The following LYN variants were observed in gnomAD, a reference collection of about 807,000 sequenced individuals.
The protein encoded by LYN is LYN proto-oncogene, Src family tyrosine kinase, also known as tyrosine-protein kinase Lyn.
A neutral mutation model predicts 65.0 loss-of-function variants in LYN; 12 were observed. The observed-to-expected ratio is 0.18, with a 90% CI of 0.12 to 0.30. The LOEUF (loss-of-function observed/expected upper bound fraction) is 0.30, where lower values mean the gene tolerates loss of function less well. Ranked by LOEUF, LYN falls within the 10% of genes least tolerant of loss-of-function variation. LYN has a pLI of 1.00. For missense variants in LYN, 380 were observed against 623.2 expected (o/e 0.61, Z 4.16); for synonymous variants, 222 against 221.2 (o/e 1.00, Z -0.03).
intron 1 of LYN, among the ~76,000 whole-genome samples, chr8:55,932,095 A>G (rs1806286914): frequency 6.6e-6 from 1 of 152,240 alleles, no homozygotes; most frequent in African/African-American, 2.4e-5. Context: ...TTGAAAGGAT[A>G]GAACCATCCT....
intron 10 of LYN, among the ~76,000 whole-genome samples, chr8:55,978,183 A>T (rs1807809619): frequency 6.6e-6 from 1 of 152,160 alleles, no homozygotes; most frequent in Non-Finnish European, 1.5e-5. Context: ...CCTGGGGATA[A>T]TGGGGATCGA....
chr8:55,893,792 T>G (rs1047505362), intron 1 of LYN: 4 of 126,220 alleles, frequency 3.2e-5, no homozygotes, highest in Non-Finnish European at 7.0e-5. Flanking sequence ...TTTTGTTGTT[T>G]TGTTTTGTTT....
At chr8:55,964,572 A>G (rs1807391797) in intron 8 of LYN, among the ~76,000 whole-genome samples, 1 of 152,220 alleles carries the variant, frequency 6.6e-6, no homozygotes, top group Non-Finnish European at 1.5e-5. Context: ...CATTTTTTAA[A>G]AAGTACATAC....
In LYN at chr8:55,953,925, G is replaced by T; in HGVS notation, c.731G>T (p.Arg244Leu). Residue 244 changes from arginine to leucine, a missense_variant, in exon 8 of 13, where the codon CGG becomes CTG. By Grantham distance (102) the Arg-to-Leu change is moderately radical. This residue lies in a region of LYN where 223 missense variants were observed against 430.0 expected (regional missense o/e 0.52). Coordinates refer to ENST00000519728, the MANE Select transcript of LYN (RefSeq NM_002350.4). Reference sequence around the variant, plus strand: ...GATAAAGATGCCTGGGAGATCCCCCGGGAGTCCATCAAGTTGGTGAAAAGG... The same window carrying T: ...GATAAAGATGCCTGGGAGATCCCCCTGGAGTCCATCAAGTTGGTGAAAAGG... ...PWDKDAWEIP[R>L]ESIKLVKRLG... 6.2e-7 allele frequency: 1 copy of T among 1,614,114 alleles called. No homozygotes were observed. Among genetic ancestry groups the T allele is most frequent in the Non-Finnish European group, 8.5e-7 (1 of 1,180,010 alleles).
chr8:55,950,131 C>A (rs529334950), intron 4 of LYN, among the ~76,000 whole-genome samples: 1 of 152,204 alleles, frequency 6.6e-6, no homozygotes, highest in African/African-American at 2.4e-5. Context: ...GAGTAATACT[C>A]CACTGGATGG....
chr8:55,910,205 T>C (rs1805560431), intron 1 of LYN, among the ~76,000 whole-genome samples: 1 of 152,204 alleles, frequency 6.6e-6, no homozygotes, highest in Admixed American at 6.5e-5. Context: ...GAGGTCTTAG[T>C]CATGAATTCT....
At chr8:55,957,051 G>A (rs1298979944) in intron 8 of LYN, among the ~76,000 whole-genome samples, 1 of 152,200 alleles carries the variant, frequency 6.6e-6, no homozygotes, top group Non-Finnish European at 1.5e-5. Context: ...ACTTACTCAA[G>A]GTCATTCAAG....
intron 3 of LYN, 79 bp from the exon 4 acceptor site, chr8:55,947,539 A>G (rs1806814574): frequency 2.0e-6 from 2 of 1,001,028 alleles, no homozygotes; most frequent in Non-Finnish European, 3.2e-6. Context: ...GCTTCCTCTC[A>G]TCCTTTGTGC....
intron 6 of LYN, 31 bp from the exon 7 acceptor site, chr8:55,951,935 T>C (rs1806962322): frequency 1.3e-6 from 2 of 1,595,258 alleles, no homozygotes; most frequent in South Asian, 2.3e-5. Context: ...TTGTGAGATA[T>C]AAACATTTAC....
chr8:56,003,049 G>GTTTTTGT (rs1314597631), intron 12 of LYN, among the ~76,000 whole-genome samples: 3 of 149,820 alleles, frequency 2.0e-5, no homozygotes, highest in Non-Finnish European at 1.5e-5. Context: ...TGCTGGCTAT[G>GTTTTTGT]TTTTTGTTTT....
chr8:55,999,183 C>T (rs1043390229), intron 11 of LYN, among the ~76,000 whole-genome samples: 1 of 152,142 alleles, frequency 6.6e-6, no homozygotes, highest in Non-Finnish European at 1.5e-5. Flanking sequence ...GAGACAAGCA[C>T]TTTCTTGAAA....
intron 10 of LYN, among the ~76,000 whole-genome samples, chr8:55,992,474 T>A (rs559047707): frequency 6.6e-6 from 1 of 152,272 alleles, no homozygotes; most frequent in African/African-American, 2.4e-5. Flanking sequence ...GCCCTTTCCC[T>A]CACCCCAGCT....
intron 9 of LYN, among the ~76,000 whole-genome samples, chr8:55,969,451 C>T (rs1334058246): frequency 6.6e-6 from 1 of 152,178 alleles, no homozygotes; most frequent in East Asian, 1.9e-4. Context: ...GCATGGTTCT[C>T]AGACACCTGT....
intron 1 of LYN, among the ~76,000 whole-genome samples, chr8:55,918,797 A>C (rs553043558): frequency 6.6e-6 from 1 of 152,180 alleles, no homozygotes; most frequent in Admixed American, 6.5e-5. Context: ...AGCCAACTAC[A>C]CGGGGATTCT....
intron 1 of LYN, among the ~76,000 whole-genome samples, chr8:55,897,045 T>G (rs1362183930): frequency 1.3e-5 from 2 of 152,158 alleles, no homozygotes; most frequent in Admixed American, 6.6e-5. Context: ...CGGCCTAAAC[T>G]TCATTTAAAT....
intron 1 of LYN, among the ~76,000 whole-genome samples, chr8:55,916,233 T>G (rs1232602879): frequency 6.6e-6 from 1 of 152,214 alleles, no homozygotes. Flanking sequence ...AGACACTTAT[T>G]TTGTTTTTTG....
At chr8:55,961,266 T>G (rs1459093287) in intron 8 of LYN, among the ~76,000 whole-genome samples, 1 of 152,226 alleles carries the variant, frequency 6.6e-6, no homozygotes, top group Non-Finnish European at 1.5e-5. Flanking sequence ...TGGCAAAGTG[T>G]CACTCCACAA....
rs140648136 is a variant in LYN at position 55,936,034 on chromosome 8, A to T, written c.-5-5821A>T. 3.5e-3 allele frequency among the ~76,000 whole-genome samples: 529 copies of T among 152,286 alleles called. 3 individuals carry two copies. Among genetic ancestry groups the T allele is most frequent in the African/African-American group, 0.011 (468 of 41,548 alleles). On this transcript the variant is annotated intron_variant, in intron 1 of 12. Coordinates refer to ENST00000519728, the MANE Select transcript of LYN (RefSeq NM_002350.4). ...CCTTTCCGAAAGTAAAGTAAGAAGG[A>T]CAATTAAAGGGTATCTAAAGGTTTC...
chr8:55,934,906 C>G (rs1056839100), intron 1 of LYN, among the ~76,000 whole-genome samples: 1 of 152,194 alleles, frequency 6.6e-6, no homozygotes, highest in South Asian at 2.1e-4. Flanking sequence ...TCTCACTTCT[C>G]CTAAATCATA....
Sources: allele counts gnomAD v4.1 joint callset (sites outside exome capture counted in the v4.1 genomes callset), GRCh38; gene constraint gnomAD v4.1.1; regional missense constraint gnomAD v4.1.1; transcripts MANE v1.5; gene names NCBI Gene and HGNC (gene_info 2026-07-23, HGNC 2026-07-21).